Variants in NR5A2 observed in about 807,000 individuals in gnomAD.
NR5A2 encodes nuclear receptor subfamily 5 group A member 2.
A neutral mutation model predicts 62.7 loss-of-function variants in NR5A2; 26 were observed. The observed-to-expected ratio is 0.41, with a 90% CI of 0.30 to 0.58. The LOEUF (loss-of-function observed/expected upper bound fraction) is 0.58, where lower values mean the gene tolerates loss of function less well. Among genes scored for constraint, NR5A2 ranks in the 20% least tolerant of loss-of-function variants. NR5A2 has a pLI of 0.22. For synonymous variants in NR5A2, 246 were observed against 241.7 expected, an observed-to-expected ratio of 1.02 and a Z score of -0.16; for missense variants, 541 against 669.1, an observed-to-expected ratio of 0.81 and a Z score of 2.11.
At chr1:200,046,071 TG>T (rs1456214892) in intron 4 of NR5A2, among the ~76,000 whole-genome samples, 2 of 152,194 alleles carry the variant, frequency 1.3e-5, no homozygotes, top group African/African-American at 4.8e-5. Flanking sequence ...CCTTTAATGG[TG>T]AAAAGGAGTT....
rs1455985851 is a variant in NR5A2 at position 200,120,845 on chromosome 1, C to T, written c.1268C>T (p.Thr423Ile). The change falls in exon 7 of 8, where the codon ACC (threonine) becomes ATC (isoleucine). Residue 423 changes from threonine (T) to isoleucine (I), a missense_variant. By Grantham distance (89) the Thr-to-Ile change is moderately conservative (BLOSUM62 -1). This residue lies in a region of NR5A2 where 379 missense variants were observed against 442.0 expected (regional missense o/e 0.86). Transcript: ENST00000367362. ...ATAATAGCATCACAAGCCGGAGCCA[C>T]CCTCAACAACCTCATGAGTCATGCA... is the stretch of plus-strand genomic sequence containing the variant. ...YSIIASQAGA[T>I]LNNLMSHAQE... The T allele has an allele frequency of 3.1e-6, 5 of 1,588,780 alleles. No homozygotes were observed. The highest frequency in any genetic ancestry group is 4.3e-6 in the Non-Finnish European group (5 of 1,170,112).
intron 7 of NR5A2, among the ~76,000 whole-genome samples, chr1:200,146,550 A>G (rs1667702351): frequency 6.6e-6 from 1 of 152,256 alleles, no homozygotes; most frequent in African/African-American, 2.4e-5. Context: ...CAGCAACTGA[A>G]GACATATTTA....
At chr1:200,151,303 C>T (rs1049680648) in intron 7 of NR5A2, among the ~76,000 whole-genome samples, 5 of 152,144 alleles carry the variant, frequency 3.3e-5, no homozygotes, top group African/African-American at 1.2e-4. Flanking sequence ...TAGCAGGAAC[C>T]ATCTATCAAT....
At chr1:200,119,996 T>C (rs1435801384) in intron 6 of NR5A2, among the ~76,000 whole-genome samples, 3 of 152,182 alleles carry the variant, frequency 2.0e-5, no homozygotes, top group African/African-American at 4.8e-5. Context: ...AATAAAGTTA[T>C]TGCTGTCTTT....
intron 6 of NR5A2, among the ~76,000 whole-genome samples, chr1:200,112,089 AAAAG>A (rs1341759276): frequency 6.6e-6 from 1 of 152,118 alleles, no homozygotes; most frequent in African/African-American, 2.4e-5. Flanking sequence ...GAAAAAAAAA[AAAAG>A]GAAAGAACCA....
intron 1 of NR5A2, among the ~76,000 whole-genome samples, chr1:200,033,255 A>T (rs1661610114): frequency 6.6e-6 from 1 of 152,194 alleles, no homozygotes; most frequent in African/African-American, 2.4e-5. Flanking sequence ...ACTGAGAGGA[A>T]ATTCAGAGCA....
rs1665545051 is a variant in NR5A2 at position 200,104,384 on chromosome 1, T to G, written c.1111-6818T>G. Among the ~76,000 whole-genome samples the G allele has an allele frequency of 2.6e-5, 4 of 152,196 alleles. No individual in the cohort carries two copies. The South Asian group carries it at 8.3e-4, about 32-fold the overall frequency. On this transcript the variant is annotated intron_variant, in intron 5 of 7. Transcript: ENST00000367362. The stretch of plus-strand genomic sequence containing the variant: ...GGTTGCAGATAATCATCAGTGTTCT[T>G]TATGAAAACAGTAAAGGATTAATGC...
chr1:200,048,966 T>G lies in NR5A2; in HGVS notation c.1110+148T>G. 1 of 1,035,876 alleles carries G rather than the reference T, an allele frequency of 9.7e-7. No individual in the cohort carries two copies. The highest frequency in any genetic ancestry group is 1.4e-6 in the Non-Finnish European group (1 of 722,584). The allele number at this position is 1,035,876 out of a possible 1,614,324, so 64.2% of individuals were successfully genotyped here. On this transcript the variant is annotated intron_variant, in intron 5 of 7. Coordinates refer to ENST00000367362, the MANE Select transcript of NR5A2 (RefSeq NM_205860.3). The surrounding 1 kb of genome is among the most constrained non-coding windows in gnomAD (Gnocchi z 4.8). ...CAGAGTAGACGTAATTTTATTACCTTGACTTCAGGACTGTGGCAGCTTAAA... is the reference window on the plus strand; with the variant it reads ...CAGAGTAGACGTAATTTTATTACCTGGACTTCAGGACTGTGGCAGCTTAAA...
rs1654344847 is a variant in NR5A2 at position 200,174,761 on chromosome 1, G to C, written c.*551G>C. The C allele has an allele frequency of 6.6e-6, 1 of 152,604 alleles. No homozygotes were observed. The highest frequency in any genetic ancestry group is 6.5e-5 in the Admixed American group (1 of 15,272). The allele number at this position is 152,604 out of a possible 1,614,324, so 9.5% of individuals were successfully genotyped here. ...CACCGAATCTGTACTAAGGACCTGT[G>C]TTCAGCCACACCCAGTGGTAGCTCC... On this transcript the variant is annotated 3_prime_UTR_variant, in exon 8 of 8. Transcript: ENST00000367362.
chr1:200,142,021 A>G (rs1366475705), intron 7 of NR5A2, among the ~76,000 whole-genome samples: 1 of 152,098 alleles, frequency 6.6e-6, no homozygotes, highest in African/African-American at 2.4e-5. Context: ...CCTATCAGGC[A>G]TATGTTGGAG....
At chr1:200,038,015 G>A (rs1661857976) in intron 1 of NR5A2, among the ~76,000 whole-genome samples, 1 of 152,206 alleles carries the variant, frequency 6.6e-6, no homozygotes, top group Non-Finnish European at 1.5e-5. Flanking sequence ...CTTGTGGGTG[G>A]ACTCTGATAA....
rs138189811 is a variant in NR5A2, at chr1:200,114,108, G to A, written c.1230+2787G>A. The stretch of plus-strand genomic sequence containing the variant: ...TGAGGCAGGAGAATCGCTTGAACCC[G>A]GGAGGCAGAGGCTACAGTGAGCCAA... On this transcript the variant is annotated intron_variant, in intron 6 of 7. Coordinates refer to ENST00000367362, the MANE Select transcript of NR5A2 (RefSeq NM_205860.3). Among the ~76,000 whole-genome samples, 1,016 of 152,096 alleles carry A rather than the reference G, an allele frequency of 6.7e-3. 9 individuals carry two copies. Among genetic ancestry groups the A allele is most frequent in the African/African-American group, 0.021 (870 of 41,506 alleles).
At chr1:200,160,904 C>G (rs902835260) in intron 7 of NR5A2, among the ~76,000 whole-genome samples, 1 of 151,456 alleles carries the variant, frequency 6.6e-6, no homozygotes, top group Non-Finnish European at 1.5e-5. Flanking sequence ...GAGAATAAAA[C>G]TTTGCAAAAA....
rs530499674 is a variant in NR5A2, at chr1:200,139,089, G to C, written c.1378+18134G>C. ...GTGTACTCTGATGTCCTTCAATAAA[G>C]TCATACAATTTTCTCCACAGAGGTA... is the stretch of plus-strand genomic sequence containing the variant. On this transcript the variant is annotated intron_variant, in intron 7 of 7. Transcript: ENST00000367362. Among the ~76,000 whole-genome samples the C allele has an allele frequency of 8.3e-4, 126 of 152,206 alleles. 1 individual carries two copies. The highest frequency in any genetic ancestry group is 2.9e-3 in the African/African-American group (121 of 41,530).
chr1:200,062,496 C>T (rs1299625924), intron 5 of NR5A2, among the ~76,000 whole-genome samples: 1 of 152,202 alleles, frequency 6.6e-6, no homozygotes, highest in Non-Finnish European at 1.5e-5. Context: ...TTTTAAAAAA[C>T]TTACCAAATA....
chr1:200,156,751 C>T (rs967675277), intron 7 of NR5A2, among the ~76,000 whole-genome samples: 1 of 152,182 alleles, frequency 6.6e-6, no homozygotes, highest in African/African-American at 2.4e-5. Flanking sequence ...AGATACTCAA[C>T]ACTTTATTAT....
In NR5A2 at chr1:200,048,090, C is replaced by T; in HGVS notation, c.464-82C>T. The T allele has an allele frequency of 7.6e-7, 1 of 1,321,688 alleles. No individual in the cohort carries two copies. The allele number at this position is 1,321,688 out of a possible 1,614,324, so 81.9% of individuals were successfully genotyped here. ...ACACATACCACTTCTTGTCGATTTA[C>T]ATTTCTAAATATCTGAAGAATGCTA... On this transcript the variant is annotated intron_variant, in intron 4 of 7. Coordinates refer to ENST00000367362, the MANE Select transcript of NR5A2 (RefSeq NM_205860.3). The surrounding 1 kb of genome is among the most constrained non-coding windows in gnomAD (Gnocchi z 4.8).
At chr1:200,121,040 T>G in intron 7 of NR5A2, 85 bp downstream of exon 7, 2 of 1,430,792 alleles carry the variant, frequency 1.4e-6, no homozygotes, top group Non-Finnish European at 1.9e-6. Flanking sequence ...CCATGTATGT[T>G]TTTGTTCTAT....
intron 7 of NR5A2, among the ~76,000 whole-genome samples, chr1:200,154,927 A>C (rs953394596): frequency 6.6e-6 from 1 of 152,070 alleles, no homozygotes; most frequent in Non-Finnish European, 1.5e-5. Context: ...CCTACCCAAC[A>C]AGGTTTCTAC....
Sources: gnomAD v4.1 joint callset for allele counts (sites outside exome capture counted in the v4.1 genomes callset) on GRCh38, gnomAD v4.1.1 for gene constraint, gnomAD v4.1.1 regional missense constraint, Gnocchi (gnomAD v3.1) non-coding constraint, MANE v1.5 for transcripts, NCBI Gene and HGNC (gene_info 2026-07-23, HGNC 2026-07-21) for gene names.